Variants in SLC24A3 observed in about 807,000 individuals in gnomAD.
SLC24A3 encodes the protein solute carrier family 24 member 3, also known as sodium/potassium/calcium exchanger 3.
In SLC24A3, 28 loss-of-function variants were observed where a neutral mutation model predicts 75.8. That is an observed-to-expected ratio of 0.37 (90% confidence interval 0.27 to 0.51). The LOEUF (loss-of-function observed/expected upper bound fraction) is 0.51. SLC24A3 is among the 20% of genes least tolerant of loss of function. The pLI is 0.94. For synonymous variants in SLC24A3, 372 were observed against 334.1 expected (o/e 1.11, Z -1.24); for missense variants, 663 against 847.8 (o/e 0.78, Z 2.71).
intron 2 of SLC24A3, among the ~76,000 whole-genome samples, chr20:19,382,260 T>G (rs1325589392): frequency 1.3e-5 from 2 of 152,130 alleles, no homozygotes; most frequent in African/African-American, 4.8e-5. Context: ...TGGGCGGAAA[T>G]GCAAAAACCA....
rs1057257313 is a variant in SLC24A3 at position 19,346,869 on chromosome 20, G to C, written c.271+65782G>C. Among the ~76,000 whole-genome samples the C allele has an allele frequency of 3.5e-4, 53 of 151,956 alleles. 1 individual carries two copies. The highest frequency in any genetic ancestry group is 5.2e-4 in the Admixed American group (8 of 15,250). ...AAAGTAATAAAAAAAGAAAAGAAGA[G>C]TAATTATATAAAGATCACTGTTTAA... is the stretch of plus-strand genomic sequence containing the variant. On this transcript the variant is annotated intron_variant, in intron 2 of 16. Transcript: ENST00000328041.
intron 3 of SLC24A3, among the ~76,000 whole-genome samples, chr20:19,564,742 A>G (rs1343155641): frequency 1.3e-5 from 2 of 152,198 alleles, no homozygotes; most frequent in African/African-American, 4.8e-5. Flanking sequence ...AACCACATTA[A>G]TTTTTGACAC....
chr20:19,621,291 C>T (rs1212612447), intron 6 of SLC24A3, among the ~76,000 whole-genome samples: 1 of 152,196 alleles, frequency 6.6e-6, no homozygotes, highest in Admixed American at 6.5e-5. Context: ...AAAGCAGGCT[C>T]ATTTCTCCCT....
At chr20:19,506,136 T>C (rs1988459380) in intron 2 of SLC24A3, among the ~76,000 whole-genome samples, 1 of 152,240 alleles carries the variant, frequency 6.6e-6, no homozygotes, top group Non-Finnish European at 1.5e-5. Context: ...ACAGAACTTA[T>C]GAGTGGTAAA....
At chr20:19,257,354 G>A (rs964265433) in intron 1 of SLC24A3, among the ~76,000 whole-genome samples, 2 of 152,180 alleles carry the variant, frequency 1.3e-5, no homozygotes, top group Admixed American at 6.5e-5. Flanking sequence ...GGTTGACTCC[G>A]CTGAGACTGG....
chr20:19,646,870 T>TG (rs71198019), intron 6 of SLC24A3, among the ~76,000 whole-genome samples: 1 of 151,960 alleles, frequency 6.6e-6, no homozygotes, highest in African/African-American at 2.4e-5. Flanking sequence ...TGTGTGTGTG[T>TG]TTATGCTTTC....
At chr20:19,350,740 G>C (rs750784679) in intron 2 of SLC24A3, among the ~76,000 whole-genome samples, 3 of 152,212 alleles carry the variant, frequency 2.0e-5, no homozygotes, top group Non-Finnish European at 4.4e-5. Flanking sequence ...CCTTTGTTAG[G>C]AGAAGGAGAC....
chr20:19,588,213 G>T (rs2031326702), intron 6 of SLC24A3, among the ~76,000 whole-genome samples: 1 of 152,178 alleles, frequency 6.6e-6, no homozygotes, highest in Non-Finnish European at 1.5e-5. Context: ...CGGTGGAGTT[G>T]GTGCAGTGGA....
At chr20:19,493,723 G>GA (rs1046115938) in intron 2 of SLC24A3, among the ~76,000 whole-genome samples, 1 of 152,084 alleles carries the variant, frequency 6.6e-6, no homozygotes, top group Non-Finnish European at 1.5e-5. Flanking sequence ...TAGTTGGGGG[G>GA]ATCAGTTAGG....
intron 1 of SLC24A3, among the ~76,000 whole-genome samples, chr20:19,244,745 T>A (rs1203651311): frequency 6.6e-6 from 1 of 152,154 alleles, no homozygotes; most frequent in Admixed American, 6.5e-5. Flanking sequence ...TGATGTCCAA[T>A]AGACAAGATA....
At chr20:19,673,097 T>C (rs1449230617) in intron 8 of SLC24A3, among the ~76,000 whole-genome samples, 1 of 152,224 alleles carries the variant, frequency 6.6e-6, no homozygotes, top group Non-Finnish European at 1.5e-5. Context: ...ACTTATTCCT[T>C]CTTACTCTTC....
chr20:19,570,999 A>G (rs1011857549), intron 3 of SLC24A3, among the ~76,000 whole-genome samples: 2 of 152,090 alleles, frequency 1.3e-5, no homozygotes, highest in African/African-American at 2.4e-5. Flanking sequence ...AGAGCTGTAG[A>G]CGTTCCTCAA....
rs189756220 is a variant in SLC24A3 at position 19,499,864 on chromosome 20, A to G, written c.272-15624A>G. Among the ~76,000 whole-genome samples, 444 of 152,298 alleles carry G rather than the reference A, an allele frequency of 2.9e-3. 1 individual carries two copies. Among genetic ancestry groups the G allele is most frequent in the Non-Finnish European group, 4.7e-3 (323 of 68,022 alleles). On this transcript the variant is annotated intron_variant, in intron 2 of 16. Coordinates refer to ENST00000328041, the MANE Select transcript of SLC24A3 (RefSeq NM_020689.4). The stretch of plus-strand genomic sequence containing the variant: ...GTACACACATGGATTATACATACAT[A>G]CATGTTTAGGGATGTAGCCTGATTT...
At chr20:19,470,649 A>T (rs1338233319) in intron 2 of SLC24A3, among the ~76,000 whole-genome samples, 1 of 152,190 alleles carries the variant, frequency 6.6e-6, no homozygotes. Context: ...ATGCGCTGAC[A>T]TTAACCATGC....
At chr20:19,395,982 A>G (rs914353703) in intron 2 of SLC24A3, among the ~76,000 whole-genome samples, 3 of 152,162 alleles carry the variant, frequency 2.0e-5, no homozygotes, top group Admixed American at 2.0e-4. Context: ...GGTTGGTTTG[A>G]TTGATTTTAA....
At chr20:19,604,695 T>C (rs2031573235) in intron 6 of SLC24A3, among the ~76,000 whole-genome samples, 1 of 152,156 alleles carries the variant, frequency 6.6e-6, no homozygotes, top group African/African-American at 2.4e-5. Flanking sequence ...CGACCTCAAG[T>C]GTGAGCCTCC....
intron 2 of SLC24A3, among the ~76,000 whole-genome samples, chr20:19,468,435 AT>A (rs908220142): frequency 3.3e-5 from 5 of 152,056 alleles, no homozygotes; most frequent in Admixed American, 6.6e-5. Flanking sequence ...GGACATTTCC[AT>A]TTTAACAGCA....
chr20:19,576,247 G>A (rs530167769), intron 3 of SLC24A3, among the ~76,000 whole-genome samples: 50 of 152,126 alleles, frequency 3.3e-4, no homozygotes, highest in South Asian at 1.5e-3. Context: ...CATAAGAATG[G>A]TCAAAGTAAC....
intron 12 of SLC24A3, among the ~76,000 whole-genome samples, chr20:19,686,545 CTTCGGGATG>C (rs2032677994): frequency 6.6e-6 from 1 of 152,204 alleles, no homozygotes; most frequent in Non-Finnish European, 1.5e-5. Flanking sequence ...GCAGCAACCT[CTTCGGGATG>C]TTTGAATGTG....
Sources: gnomAD v4.1 joint callset for allele counts (sites outside exome capture counted in the v4.1 genomes callset) on GRCh38, gnomAD v4.1.1 for gene constraint, MANE v1.5 for transcripts, NCBI Gene and HGNC (gene_info 2026-07-23, HGNC 2026-07-21) for gene names.